Variants in MAPK10 observed in about 807,000 individuals in gnomAD.
MAPK10 encodes the protein JNK3 alpha protein kinase.
Under a neutral mutation model 59.3 loss-of-function variants are expected in MAPK10, and 25 were observed. The ratio of observed to expected loss-of-function variants is 0.42; its 90% CI spans 0.31 to 0.59. The LOEUF is 0.59. MAPK10 is among the 20% of genes least tolerant of loss of function. The pLI is 0.15. For synonymous variants in MAPK10, 190 were observed against 200.5 expected (o/e 0.95, Z 0.44); for missense variants, 351 against 568.9 (o/e 0.62, Z 3.90).
intron 2 of MAPK10, among the ~76,000 whole-genome samples, chr4:86,337,662 G>A (rs1314318310): frequency 6.6e-6 from 1 of 152,210 alleles, no homozygotes; most frequent in African/African-American, 2.4e-5. Context: ...AAGAGCTGGA[G>A]TAGAGGACAC....
intron 2 of MAPK10, among the ~76,000 whole-genome samples, chr4:86,335,493 A>C (rs1720660932): frequency 6.6e-6 from 1 of 152,172 alleles, no homozygotes; most frequent in Non-Finnish European, 1.5e-5. Context: ...GGTTTTTTAA[A>C]TATTTTTGCT....
intron 2 of MAPK10, among the ~76,000 whole-genome samples, chr4:86,242,084 T>C (rs2092760516): frequency 6.6e-6 from 1 of 152,028 alleles, no homozygotes; most frequent in African/African-American, 2.4e-5. Context: ...CTTGTTTGTT[T>C]TTCCTTCAAT....
At chr4:86,412,279 T>C (rs1292119985) in intron 1 of MAPK10, among the ~76,000 whole-genome samples, 2 of 152,242 alleles carry the variant, frequency 1.3e-5, no homozygotes, top group Admixed American at 1.3e-4. Context: ...GCTGTTAGTC[T>C]GATGGACTTC....
At chr4:86,276,133 G>A (rs995086111) in intron 2 of MAPK10, among the ~76,000 whole-genome samples, 2 of 151,928 alleles carry the variant, frequency 1.3e-5, no homozygotes, top group African/African-American at 4.8e-5. Context: ...TATATTGTTA[G>A]TTTTTTGTTT....
Position 86,103,197 on chromosome 4 carries a change from C to T in MAPK10, c.414G>A (p.Glu138=). The change falls in exon 6 of 14, where the codon GAG becomes GAA. Residue 138 remains glutamate, a synonymous_variant. Coordinates refer to ENST00000641462, the MANE Select transcript of MAPK10 (RefSeq NM_138982.4). ...GTTTTGTTACTTACACATCTTGGAA[C>T]TCCTCCAGCGTTTTCTGGGGTGTGA... is the stretch of plus-strand genomic sequence containing the variant. ...NVFTPQKTLE[E]FQDVYLVMEL... 1 of 1,610,428 alleles carries T rather than the reference C, an allele frequency of 6.2e-7. No individual in the cohort carries two copies. Among genetic ancestry groups the T allele is most frequent in the South Asian group, 1.1e-5 (1 of 91,016 alleles).
intron 9 of MAPK10, among the ~76,000 whole-genome samples, chr4:86,076,079 T>A (rs1320092657): frequency 6.6e-6 from 1 of 152,090 alleles, no homozygotes; most frequent in Non-Finnish European, 1.5e-5. Context: ...GAGCCAGGTG[T>A]GGGATATAGT....
At chr4:86,332,771 C>T (rs1317966507) in intron 2 of MAPK10, 1 of 152,170 alleles carries the variant, frequency 6.6e-6, no homozygotes, top group Non-Finnish European at 1.5e-5. Context: ...ATTGAAATTA[C>T]AAGGAAAAGC....
chr4:86,405,802 A>G (rs1158874404), intron 1 of MAPK10, among the ~76,000 whole-genome samples: 1 of 152,190 alleles, frequency 6.6e-6, no homozygotes, highest in Non-Finnish European at 1.5e-5. Flanking sequence ...CTCTGTTTAT[A>G]GCTGTCTTGT....
chr4:86,450,689 A>G (rs1460244915), intron 1 of MAPK10, among the ~76,000 whole-genome samples: 1 of 152,214 alleles, frequency 6.6e-6, no homozygotes, highest in Non-Finnish European at 1.5e-5. Flanking sequence ...CCAGTTTTCT[A>G]GAATTTCACA....
chr4:86,226,037 T>C (rs1650360372), intron 2 of MAPK10, among the ~76,000 whole-genome samples: 1 of 152,246 alleles, frequency 6.6e-6, no homozygotes, highest in Admixed American at 6.5e-5. Flanking sequence ...CTTTTGATTA[T>C]GACAGCATAT....
intron 2 of MAPK10, among the ~76,000 whole-genome samples, chr4:86,196,222 C>A (rs1459162450): frequency 6.6e-6 from 1 of 152,206 alleles, no homozygotes. Context: ...ACATCCTCTC[C>A]AGCATCTTTG....
intron 2 of MAPK10, among the ~76,000 whole-genome samples, chr4:86,222,579 A>T (rs1168696840): frequency 1.3e-5 from 2 of 152,224 alleles, no homozygotes; most frequent in Non-Finnish European, 2.9e-5. Context: ...CCAAGCAAAG[A>T]CTAAGACTTC....
chr4:86,018,925 G>T (rs897274127), intron 13 of MAPK10, among the ~76,000 whole-genome samples: 3 of 152,214 alleles, frequency 2.0e-5, no homozygotes, highest in African/African-American at 7.2e-5. Context: ...AATTAAGGAA[G>T]GGGAGTGGTT....
At chr4:86,064,205 A>G (rs374583641) in intron 11 of MAPK10, 61 bp downstream of exon 11, 73 of 1,600,546 alleles carry the variant, frequency 4.6e-5, no homozygotes, top group Admixed American at 6.9e-5. Flanking sequence ...AGTCCTATTC[A>G]GTTTTTGCTA....
intron 2 of MAPK10, among the ~76,000 whole-genome samples, chr4:86,210,836 C>G (rs77104470): frequency 0.086 from 12,869 of 149,288 alleles, 1,214 homozygotes; most frequent in African/African-American, 0.24. Context: ...GGAAGACATG[C>G]AAAAAGTCAA....
chr4:86,355,168 G>C (rs1335593184), intron 1 of MAPK10, among the ~76,000 whole-genome samples: 1 of 152,100 alleles, frequency 6.6e-6, no homozygotes, highest in Non-Finnish European at 1.5e-5. Flanking sequence ...ATTATAGCCT[G>C]TTACTTCCCA....
intron 2 of MAPK10, among the ~76,000 whole-genome samples, chr4:86,350,490 A>G (rs976037497): frequency 3.9e-5 from 6 of 152,172 alleles, no homozygotes; most frequent in Non-Finnish European, 7.3e-5. Context: ...CTGGGATTAC[A>G]GGCGTGAGCC....
chr4:86,136,797 G>A (rs1427267275), intron 4 of MAPK10, among the ~76,000 whole-genome samples: 15 of 151,686 alleles, frequency 9.9e-5, no homozygotes, highest in Admixed American at 4.6e-4. Context: ...CCCATCTCAC[G>A]TGCAGAGACA....
At chr4:86,426,265 T>C (rs1164832304) in intron 1 of MAPK10, among the ~76,000 whole-genome samples, 1 of 152,252 alleles carries the variant, frequency 6.6e-6, no homozygotes, top group African/African-American at 2.4e-5. Flanking sequence ...AAGATGCTTA[T>C]GTTCGAGATA....
Sources: allele counts gnomAD v4.1 joint callset (sites outside exome capture counted in the v4.1 genomes callset), GRCh38; gene constraint gnomAD v4.1.1; transcripts MANE v1.5; gene names NCBI Gene and HGNC (gene_info 2026-07-23, HGNC 2026-07-21).